The following MUC5AC variants were observed in gnomAD, a reference collection of about 807,000 sequenced individuals.
MUC5AC encodes mucin-5AC.
Under a neutral mutation model 169.7 loss-of-function variants are expected in MUC5AC, and 158 were observed. The ratio of observed to expected loss-of-function variants is 0.93; its 90% confidence interval spans 0.82 to 1.06. MUC5AC has a LOEUF of 1.06. Ranked by LOEUF, MUC5AC falls within the 50% of genes least tolerant of loss-of-function variation. The probability of loss-of-function intolerance (pLI) is 0.00; values close to 1 mark genes in which losing one functional copy is unlikely to be tolerated. For synonymous variants in MUC5AC, 1,975 were observed against 1,237.0 expected (o/e 1.60, Z -12.52); for missense variants, 4,359 against 3,089.9 (o/e 1.41, Z -9.74).
chr11:1,198,164 C>T (rs1428828580), intron 42 of MUC5AC, 104 bp from the exon 43 acceptor site: 2 of 697,734 alleles, frequency 2.9e-6, no homozygotes, highest in East Asian at 2.7e-5. Context: ...ACCCCAGTGG[C>T]GAGCCCGGGA....
Position 1,189,243 on chromosome 11 carries a change from C to T in MUC5AC, c.11098C>T (p.Pro3700Ser), listed in dbSNP as rs2133763411. 1 of 593,678 alleles carries T rather than the reference C, an allele frequency of 1.7e-6. No homozygotes were observed. Among genetic ancestry groups the T allele is most frequent in the East Asian group, 2.8e-5 (1 of 36,260 alleles). The allele number at this position is 593,678 out of a possible 1,614,324, so 36.8% of individuals were successfully genotyped here. Residue 3700 changes from proline (P) to serine (S), a missense_variant, in exon 31 of 49, where the codon CCC becomes TCC. Pro to Ser is a moderately conservative substitution (Grantham distance 74). Transcript: ENST00000621226. Reference protein sequence around the residue: ...SAPTTSTTSAPTTSTTSAPTT... With the variant: ...SAPTTSTTSASTTSTTSAPTT... ...CCCAACAACCAGCACAACCTCTGCT[C>T]CCACAACGAGCACAACTTCTGCCCC...
chr11:1,162,854 C>T, intron 5 of MUC5AC, 101 bp from the exon 6 acceptor site: 1 of 1,248,738 alleles, frequency 8.0e-7, no homozygotes, highest in Non-Finnish European at 1.2e-6. Context: ...GGGGGTGTCT[C>T]TTCCGTGGGC....
At position 1,185,452 on chromosome 11, in the gene MUC5AC, C is replaced by A; in HGVS notation, c.7307C>A (p.Thr2436Lys). 2 of 729,488 alleles carry A rather than the reference C, an allele frequency of 2.7e-6. No homozygotes were observed. Among genetic ancestry groups the A allele is most frequent in the Non-Finnish European group, 2.5e-6 (1 of 399,898 alleles). The allele number at this position is 729,488 out of a possible 1,614,324, so 45.2% of individuals were successfully genotyped here. A position where few individuals can be genotyped will look rare whatever the true frequency, so the allele number is the denominator to read the frequency against. ...ACAACCTCCAGTCCACAGACCAGCA[C>A]AACCTCGGCTCCTACAACCAGCACA... ...SSTTSSPQTS[T>K]TSAPTTSTTS... Residue 2436 changes from threonine (T) to lysine (K), a missense_variant, in exon 31 of 49, where the codon ACA becomes AAA. Transcript: ENST00000621226.
At chr11:1,196,822 C>T (rs1861288076) in intron 39 of MUC5AC, 55 bp from the exon 40 acceptor site, 14 of 751,066 alleles carry the variant, frequency 1.9e-5, no homozygotes, top group Non-Finnish European at 2.4e-6. Context: ...GACCCTGCCT[C>T]TCGCCCCTAT....
Position 1,185,425 on chromosome 11 carries a change from G to A in MUC5AC, c.7280G>A (p.Ser2427Asn). 1.4e-6 allele frequency: 1 copy of A among 719,590 alleles called. No homozygotes were observed. The highest frequency in any genetic ancestry group is 2.5e-6 in the Non-Finnish European group (1 of 397,608). 44.6% of individuals were successfully genotyped at this position (719,590 alleles called of 1,614,324 possible). Residue 2427 changes from serine (S) to asparagine (N), a missense_variant, in exon 31 of 49, where the codon AGC (serine) becomes AAC (asparagine). By Grantham distance (46) the Ser-to-Asn change is conservative (BLOSUM62 1). Coordinates refer to ENST00000621226, the MANE Select transcript of MUC5AC (RefSeq NM_001304359.2). Reference sequence around the variant, plus strand: ...AGCACAACCTCTGCCCCTACAAGCAGCACAACCTCCAGTCCACAGACCAGC... The same window carrying A: ...AGCACAACCTCTGCCCCTACAAGCAACACAACCTCCAGTCCACAGACCAGC... ...TTSTTSAPTSSTTSSPQTSTT... is the reference protein window; with the variant it reads ...TTSTTSAPTSNTTSSPQTSTT...
rs879067931 is a variant in MUC5AC at position 1,191,550 on chromosome 11, C to G, written c.13405C>G (p.Pro4469Ala). The change falls in exon 31 of 49, where the codon CCT (proline) becomes GCT (alanine). Residue 4469 changes from proline (P) to alanine (A), a missense_variant. By Grantham distance (27) the Pro-to-Ala change is conservative (BLOSUM62 -1). Transcript: ENST00000621226. ...CCCTACAACCAGCACAACCTCTGCTCCTATAACCAGCATGACCTCTGGTCC... is the reference window on the plus strand; with the variant it reads ...CCCTACAACCAGCACAACCTCTGCTGCTATAACCAGCATGACCTCTGGTCC... ...SLPTTSTTSA[P>A]ITSMTSGPGT... 1 of 646,862 alleles carries G rather than the reference C, an allele frequency of 1.5e-6. No individual in the cohort carries two copies. The highest frequency in any genetic ancestry group is 1.9e-5 in the Admixed American group (1 of 53,130). The allele number at this position is 646,862 out of a possible 1,614,324, so 40.1% of individuals were successfully genotyped here.
chr11:1,182,074 C>T (rs1376774963), intron 30 of MUC5AC, 81 bp from the exon 31 acceptor site: 15 of 384,932 alleles, frequency 3.9e-5, no homozygotes, highest in Non-Finnish European at 5.8e-5. Flanking sequence ...AGCTCCAGAC[C>T]GGTGACAGAG....
intron 31 of MUC5AC, 79 bp from the exon 32 acceptor site, chr11:1,192,704 C>T (rs996386608): frequency 1.0e-5 from 7 of 691,840 alleles, no homozygotes; most frequent in South Asian, 9.6e-5. Context: ...GTAGAAAGTG[C>T]CCCTCTGGCT....
rs1861002898 is a variant in MUC5AC, at chr11:1,188,303, CACAACCAGCACAACTTCTGCCCCT to C, written c.10173_10196del (p.Ala3393_Ser3400del). 4 of 684,362 alleles carry C rather than the reference CACAACCAGCACAACTTCTGCCCCT, an allele frequency of 5.8e-6. No homozygotes were observed. Among genetic ancestry groups the C allele is most frequent in the African/African-American group, 1.9e-5 (1 of 52,800 alleles). The allele number at this position is 684,362 out of a possible 1,614,324, so 42.4% of individuals were successfully genotyped here. ...CTACAACCAGCACAACCTCTGCTCC[CACAACCAGCACAACTTCTGCCCCT>C]ACAACCAGCACAACCTCCACTCCAC... is the stretch of plus-strand genomic sequence containing the variant. On this transcript the variant is annotated inframe_deletion, in exon 31 of 49. Transcript: ENST00000621226.
intron 1 of MUC5AC, among the ~76,000 whole-genome samples, chr11:1,158,862 C>T (rs534269919): frequency 6.6e-6 from 1 of 152,344 alleles, no homozygotes; most frequent in African/African-American, 2.4e-5. Context: ...CAGCCTCTGG[C>T]CCTCTGCCAG....
chr11:1,194,851 G>A (rs1206475460), intron 35 of MUC5AC, among the ~76,000 whole-genome samples, 161 bp from the exon 36 acceptor site: 1 of 152,176 alleles, frequency 6.6e-6, no homozygotes, highest in Non-Finnish European at 1.5e-5. Flanking sequence ...GTACCATAGG[G>A]ACTGTCCCAG....
chr11:1,199,847 C>T lies in MUC5AC; in HGVS notation c.16586-8C>T, dbSNP rs778616796. On this transcript the variant is annotated splice_polypyrimidine_tract_variant and splice_region_variant and intron_variant, in intron 47 of 48. Transcript: ENST00000621226. ...TGGGCTGGTCCTAAACCCTGTGTTC[C>T]TCTCCAGAGTCGACCTGTGCTGTGT... 3 of 760,828 alleles carry T rather than the reference C, an allele frequency of 3.9e-6. No individual in the cohort carries two copies. Among genetic ancestry groups the T allele is most frequent in the Non-Finnish European group, 7.2e-6 (3 of 415,924 alleles). The allele number at this position is 760,828 out of a possible 1,614,324, so 47.1% of individuals were successfully genotyped here.
At position 1,165,660 on chromosome 11, in the gene MUC5AC, C is replaced by T. The variant is rs750448709; in HGVS notation, c.1286C>T (p.Pro429Leu). Reference sequence around the variant, plus strand: ...GGCCGGTGGAGCTGCCAGGAGGTTCCATGCCCGGGTACCTGCTCTGTGCTT... The same window carrying T: ...GGCCGGTGGAGCTGCCAGGAGGTTCTATGCCCGGGTACCTGCTCTGTGCTT... ...SGGRWSCQEV[P>L]CPGTCSVLGG... The change falls in exon 11 of 49, where the codon CCA becomes CTA. Residue 429 changes from proline to leucine, a missense_variant. Pro to Leu is a moderately conservative substitution (Grantham distance 98). Coordinates refer to ENST00000621226, the MANE Select transcript of MUC5AC (RefSeq NM_001304359.2). 3.7e-6 allele frequency: 6 copies of T among 1,612,332 alleles called. No individual in the cohort carries two copies. In the African/African-American group the frequency reaches 8.0e-5, roughly 22 times the overall value.
rs1446402934 is a variant in MUC5AC at position 1,189,251 on chromosome 11, G to A, written c.11106G>A (p.Thr3702=). 2.5e-6 allele frequency: 1 copy of A among 405,988 alleles called. No homozygotes were observed. Among genetic ancestry groups the A allele is most frequent in the South Asian group, 5.5e-5 (1 of 18,260 alleles). 25.1% of individuals were successfully genotyped at this position (405,988 alleles called of 1,614,324 possible). ...PTTSTTSAPT[T]STTSAPTTST... is the part of the protein sequence containing the mutation. ...CCAGCACAACCTCTGCTCCCACAAC[G>A]AGCACAACTTCTGCCCCTACAACCA... is the stretch of plus-strand genomic sequence containing the variant. Residue 3702 remains threonine (T), a synonymous_variant, in exon 31 of 49, where the codon ACG becomes ACA. Transcript: ENST00000621226.
In MUC5AC at chr11:1,188,359, G is replaced by A; in HGVS notation, c.10214G>A (p.Ser3405Asn). The A allele has an allele frequency of 3.1e-6, 2 of 643,724 alleles. No individual in the cohort carries two copies. The highest frequency in any genetic ancestry group is 2.9e-6 in the Non-Finnish European group (1 of 347,336). The allele number at this position is 643,724 out of a possible 1,614,324, so 39.9% of individuals were successfully genotyped here. The change falls in exon 31 of 49, where the codon AGC (serine) becomes AAC (asparagine). Residue 3405 changes from serine (S) to asparagine (N), a missense_variant. Coordinates refer to ENST00000621226, the MANE Select transcript of MUC5AC (RefSeq NM_001304359.2). ...TTSTTSTPQT[S>N]ISSAPTSSTT... ...AGCACAACCTCCACTCCACAGACCAGCATATCCTCTGCCCCTACAAGCAGC... is the reference window on the plus strand; with the variant it reads ...AGCACAACCTCCACTCCACAGACCAACATATCCTCTGCCCCTACAAGCAGC...
At chr11:1,198,661 G>A (rs115193089) in intron 43 of MUC5AC, among the ~76,000 whole-genome samples, 75 of 152,236 alleles carry the variant, frequency 4.9e-4, no homozygotes, top group African/African-American at 1.5e-3. Context: ...GGGGTGCAGC[G>A]TGGGGCTCTG....
chr11:1,170,155 CCATT>C (rs1860460956), intron 15 of MUC5AC, among the ~76,000 whole-genome samples: 2 of 65,868 alleles, frequency 3.0e-5, no homozygotes, highest in Non-Finnish European at 2.9e-5. Flanking sequence ...ACCCATTCAC[CCATT>C]CACTCACTCA....
chr11:1,170,311 T>C (rs1357891234), intron 15 of MUC5AC, among the ~76,000 whole-genome samples: 1 of 114,528 alleles, frequency 8.7e-6, no homozygotes, highest in Admixed American at 9.0e-5. Flanking sequence ...ACCCACTCAC[T>C]CACCTCACTC....
rs1861106947 is a variant in MUC5AC at position 1,191,725 on chromosome 11, C to A, written c.13580C>A (p.Thr4527Asn). The change falls in exon 31 of 49, where the codon ACC becomes AAC. Residue 4527 changes from threonine to asparagine, a missense_variant. Coordinates refer to ENST00000621226, the MANE Select transcript of MUC5AC (RefSeq NM_001304359.2). ...PTTSTTSAPTTSTTSASTAST... is the reference protein window; with the variant it reads ...PTTSTTSAPTNSTTSASTAST... ...ACCAGCACAACCTCTGCTCCTACAA[C>A]CAGCACAACCTCTGCCTCTACAGCC... The A allele has an allele frequency of 1.4e-6, 1 of 720,666 alleles. No homozygotes were observed. The highest frequency in any genetic ancestry group is 1.7e-5 in the African/African-American group (1 of 57,544). 44.6% of individuals were successfully genotyped at this position (720,666 alleles called of 1,614,324 possible).
Sources: allele counts gnomAD v4.1 joint callset (sites outside exome capture counted in the v4.1 genomes callset), GRCh38; gene constraint gnomAD v4.1.1; transcripts MANE v1.5; gene names NCBI Gene and HGNC (gene_info 2026-07-23, HGNC 2026-07-21).